PKP2: variants seen among roughly 807,000 people sequenced by gnomAD.
The protein encoded by PKP2 is plakophilin 2.
A neutral mutation model predicts 83.4 loss-of-function variants in PKP2; 73 were observed. That is an observed-to-expected ratio of 0.88 (90% CI 0.72 to 1.06). The LOEUF is 1.06. PKP2 is among the 50% of genes least tolerant of loss of function. The pLI is 0.00. For synonymous variants in PKP2, 409 were observed against 430.4 expected (o/e 0.95, Z 0.62); for missense variants, 966 against 1,065.4 (o/e 0.91, Z 1.30).
At position 32,841,049 on chromosome 12, in the gene PKP2, T is replaced by C. The variant is rs1956586314; in HGVS notation, c.1535A>G (p.Tyr512Cys). ...TTACCTTAGGCATCCAGTGACGTTG[T>C]AGAATATGTCAAAATCGAGCAAACC... ...ANGLLDFDIF[Y>C]NVTGCLRNMS... The change falls in exon 6 of 13, where the codon TAC becomes TGC. Residue 512 changes from tyrosine (Y) to cysteine (C), a missense_variant. Physicochemically the swap from Tyr to Cys is radical, Grantham distance 194 (BLOSUM62 -2). Transcript: ENST00000340811. The C allele has an allele frequency of 5.6e-6, 9 of 1,613,644 alleles. No homozygotes were observed. The highest frequency in any genetic ancestry group is 6.8e-6 in the Non-Finnish European group (8 of 1,179,828).
At chr12:32,870,788 A>G (rs1418639192) in intron 3 of PKP2, among the ~76,000 whole-genome samples, 1 of 152,138 alleles carries the variant, frequency 6.6e-6, no homozygotes, top group Non-Finnish European at 1.5e-5. Flanking sequence ...TTTTAAAAAA[A>G]GATTGAGCCA....
At chr12:32,836,889 T>C (rs890800686) in intron 6 of PKP2, among the ~76,000 whole-genome samples, 4 of 152,200 alleles carry the variant, frequency 2.6e-5, no homozygotes, top group African/African-American at 9.6e-5. Context: ...GCAGGTTCCA[T>C]GGAGTTCTTT....
chr12:32,828,887 A>T (rs369321675), intron 6 of PKP2, among the ~76,000 whole-genome samples: 4 of 152,150 alleles, frequency 2.6e-5, no homozygotes, highest in African/African-American at 4.8e-5. Flanking sequence ...TTTTCAAGAC[A>T]CTTCACCACC....
At chr12:32,806,803 A>G (rs73301756) in intron 9 of PKP2, among the ~76,000 whole-genome samples, 6,317 of 151,790 alleles carry the variant, frequency 0.042, 167 homozygotes, top group African/African-American at 0.068. Context: ...TGTTAGGTTG[A>G]TACCTTGAGA....
chr12:32,896,573 G>C lies in PKP2; in HGVS notation c.159C>G (p.Ser53Arg). The change falls in exon 1 of 13, where the codon AGC becomes AGG. Residue 53 changes from serine (S) to arginine (R), a missense_variant. Transcript: ENST00000340811. ...SSGRGGQTVK[S>R]LRIQEQVQQT... is the part of the protein sequence containing the mutation. ...GCTGCACCTGCTCCTGGATCCGCAG[G>C]CTCTTGACTGTCTGGCCGCCGCGGC... 1 of 1,590,880 alleles carries C rather than the reference G, an allele frequency of 6.3e-7. No individual in the cohort carries two copies. Among genetic ancestry groups the C allele is most frequent in the East Asian group, 2.3e-5 (1 of 44,262 alleles).
intron 1 of PKP2, among the ~76,000 whole-genome samples, chr12:32,886,905 G>A (rs34667132): frequency 0.1 from 15,596 of 152,090 alleles, 1,174 homozygotes; most frequent in Non-Finnish European, 0.14. Context: ...AAGCTGAGGT[G>A]GGTGGATTGC....
intron 9 of PKP2, among the ~76,000 whole-genome samples, chr12:32,807,382 A>T (rs1220703341): frequency 1.3e-5 from 2 of 152,156 alleles, no homozygotes; most frequent in African/African-American, 4.8e-5. Flanking sequence ...TTTGCTTGGT[A>T]AATTTTCCTC....
intron 10 of PKP2, among the ~76,000 whole-genome samples, chr12:32,801,643 GA>G (rs2137723226): frequency 6.6e-6 from 1 of 152,188 alleles, no homozygotes; most frequent in African/African-American, 2.4e-5. Flanking sequence ...TGTGAAATGT[GA>G]AAAACCGAAT....
At chr12:32,830,204 T>C (rs912606340) in intron 6 of PKP2, among the ~76,000 whole-genome samples, 3 of 152,218 alleles carry the variant, frequency 2.0e-5, no homozygotes, top group Admixed American at 2.0e-4. Context: ...TTCTTCCTCT[T>C]GTTATTTGAG....
intron 1 of PKP2, among the ~76,000 whole-genome samples, chr12:32,882,868 T>C (rs1956998448): frequency 6.6e-6 from 1 of 152,214 alleles, no homozygotes; most frequent in African/African-American, 2.4e-5. Context: ...TCCTTTCCCC[T>C]GGTCTCTGCT....
At chr12:32,838,916 C>T (rs186958251) in intron 6 of PKP2, among the ~76,000 whole-genome samples, 16 of 152,248 alleles carry the variant, frequency 1.1e-4, no homozygotes, top group Non-Finnish European at 1.9e-4. Flanking sequence ...TTTCATAGAA[C>T]ATTTATGAAC....
At chr12:32,888,915 C>T (rs889313738) in intron 1 of PKP2, among the ~76,000 whole-genome samples, 35 of 151,922 alleles carry the variant, frequency 2.3e-4, no homozygotes, top group Admixed American at 1.7e-3. Flanking sequence ...CTCGGCCTCT[C>T]AAAGTGCTGG....
intron 9 of PKP2, among the ~76,000 whole-genome samples, chr12:32,815,797 T>G (rs997295536): frequency 3.9e-5 from 6 of 152,208 alleles, no homozygotes; most frequent in Non-Finnish European, 8.8e-5. Context: ...GTCTGATTCC[T>G]TAAATGCTGT....
chr12:32,859,295 A>G (rs1334253700), intron 4 of PKP2, among the ~76,000 whole-genome samples: 1 of 152,210 alleles, frequency 6.6e-6, no homozygotes, highest in Non-Finnish European at 1.5e-5. Flanking sequence ...TAGGATTTGA[A>G]CTCAGATGAA....
Position 32,878,495 on chromosome 12 carries a change from G to A in PKP2, c.385C>T (p.Gln129Ter), listed in dbSNP as rs1485712667. ...TCCACGGACTTCTGGGAGCTGTACT[G>A]TGCTGTTCCTCTTCCCCAGCGACCT... The part of the protein sequence containing the change: ...YEGRWGRGTA[Q>*]YSSQKSVEER... Residue 129 changes from glutamine (Q) to a stop codon, truncating the protein, a stop_gained, in exon 3 of 13, where the codon CAG becomes TAG. Transcript: ENST00000340811. LOFTEE classifies it high-confidence loss of function. The A allele has an allele frequency of 1.2e-6, 2 of 1,613,036 alleles. No homozygotes were observed. The highest frequency in any genetic ancestry group is 1.3e-5 in the African/African-American group (1 of 74,918).
At chr12:32,801,262 G>A (rs1956175568) in intron 10 of PKP2, among the ~76,000 whole-genome samples, 2 of 152,150 alleles carry the variant, frequency 1.3e-5, no homozygotes, top group Non-Finnish European at 2.9e-5. Flanking sequence ...AATGTGTATA[G>A]TGCTGTTATT....
chr12:32,882,597 T>C (rs1470652081), intron 1 of PKP2, among the ~76,000 whole-genome samples: 1 of 152,238 alleles, frequency 6.6e-6, no homozygotes, highest in East Asian at 1.9e-4. Flanking sequence ...TTTATTGAAC[T>C]AAAATGTTTA....
At position 32,796,232 on chromosome 12, in the gene PKP2, A is replaced by T. The variant is rs543233804; in HGVS notation, c.2234T>A (p.Ile745Asn). 3.2e-5 allele frequency: 51 copies of T among 1,613,928 alleles called. No individual in the cohort carries two copies. The highest frequency in any genetic ancestry group is 4.1e-5 in the Non-Finnish European group (48 of 1,179,864). The change falls in exon 11 of 13, where the codon ATT becomes AAT. Residue 745 changes from isoleucine (I) to asparagine (N), a missense_variant. Transcript: ENST00000340811. ...GTAACAGGCAGAGGCTGTAGTTTCAATGAGAAGGTCAGTACTCGGGACTGT... is the reference window on the plus strand; with the variant it reads ...GTAACAGGCAGAGGCTGTAGTTTCATTGAGAAGGTCAGTACTCGGGACTGT... The part of the protein sequence containing the change: ...PDTVPSTDLL[I>N]ETTASACYTL...
chr12:32,858,448 T>C (rs1249273373), intron 4 of PKP2, among the ~76,000 whole-genome samples: 1 of 152,140 alleles, frequency 6.6e-6, no homozygotes, highest in African/African-American at 2.4e-5. Context: ...CTAAATGTCT[T>C]CTAAAATCCT....
Sources: gnomAD v4.1 joint callset for allele counts (sites outside exome capture counted in the v4.1 genomes callset) on GRCh38, gnomAD v4.1.1 for gene constraint, MANE v1.5 for transcripts, NCBI Gene and HGNC (gene_info 2026-07-23, HGNC 2026-07-21) for gene names.